Variants in CNTNAP2 observed in about 807,000 individuals in gnomAD.
The protein encoded by CNTNAP2 is contactin associated protein 2.
In CNTNAP2, 98 loss-of-function variants were observed where a neutral mutation model predicts 155.2. That is an observed-to-expected ratio of 0.63 (90% CI 0.54 to 0.75). The LOEUF (loss-of-function observed/expected upper bound fraction) is 0.75, where lower values mean the gene tolerates loss of function less well. Ranked by LOEUF, CNTNAP2 falls within the 30% of genes least tolerant of loss-of-function variation. CNTNAP2 has a pLI of 0.00. For missense variants in CNTNAP2, 1,727 were observed against 1,688.1 expected (o/e 1.02, Z -0.40); for synonymous variants, 651 against 631.2 (o/e 1.03, Z -0.47).
intron 3 of CNTNAP2, among the ~76,000 whole-genome samples, chr7:146,983,271 A>G (rs1798053010): frequency 1.3e-5 from 2 of 152,140 alleles, no homozygotes; most frequent in Admixed American, 1.3e-4. Flanking sequence ...GAATATATTC[A>G]TTTCATGTTT....
Position 147,956,437 on chromosome 7 carries a change from C to A in CNTNAP2, c.2256-21425C>A, listed in dbSNP as rs536682136. ...GAAAGATGTACATGTCCTCTGATTT[C>A]TCCTAAGTCTGGACAGAATTGGCAG... is the stretch of plus-strand genomic sequence containing the variant. On this transcript the variant is annotated intron_variant, in intron 14 of 23. Transcript: ENST00000361727. 3.9e-5 allele frequency among the ~76,000 whole-genome samples: 6 copies of A among 152,262 alleles called. No individual in the cohort carries two copies. In the East Asian group the frequency reaches 1.2e-3, roughly 29 times the overall value.
chr7:147,194,702 T>A (rs996054370), intron 8 of CNTNAP2, among the ~76,000 whole-genome samples: 2 of 152,232 alleles, frequency 1.3e-5, no homozygotes, highest in African/African-American at 4.8e-5. Flanking sequence ...TTCATATGTT[T>A]GTTGGCTGCA....
At chr7:147,337,273 T>A (rs1795680609) in intron 9 of CNTNAP2, among the ~76,000 whole-genome samples, 1 of 152,118 alleles carries the variant, frequency 6.6e-6, no homozygotes, top group Non-Finnish European at 1.5e-5. Flanking sequence ...AAGTCTCATC[T>A]GTGCATATTC....
At chr7:148,263,271 T>C (rs1455418409) in intron 20 of CNTNAP2, 1 of 152,080 alleles carries the variant, frequency 6.6e-6, no homozygotes, top group East Asian at 1.9e-4. Flanking sequence ...CATGACCCAT[T>C]TAGGTTCCTG....
intron 13 of CNTNAP2, among the ~76,000 whole-genome samples, chr7:147,818,017 T>C (rs1350968700): frequency 6.6e-6 from 1 of 152,158 alleles, no homozygotes; most frequent in Non-Finnish European, 1.5e-5. Flanking sequence ...ATATCATCTT[T>C]TCTGTATACA....
intron 1 of CNTNAP2, among the ~76,000 whole-genome samples, chr7:146,759,007 G>C (rs1463767122): frequency 6.6e-6 from 1 of 152,102 alleles, no homozygotes; most frequent in Non-Finnish European, 1.5e-5. Flanking sequence ...TCTTCCTTCA[G>C]TTCCATCTAA....
chr7:147,356,797 T>C (rs1190150401), intron 9 of CNTNAP2, among the ~76,000 whole-genome samples: 1 of 152,134 alleles, frequency 6.6e-6, no homozygotes, highest in Non-Finnish European at 1.5e-5. Context: ...ATTGGTATTT[T>C]AGTGAAATGG....
intron 9 of CNTNAP2, among the ~76,000 whole-genome samples, chr7:147,325,986 A>C (rs1443305521): frequency 6.6e-6 from 1 of 152,008 alleles, no homozygotes; most frequent in Non-Finnish European, 1.5e-5. Flanking sequence ...GCAGTGGCAC[A>C]ATCTCGGCTC....
At chr7:146,810,280 G>A (rs1803040257) in intron 2 of CNTNAP2, among the ~76,000 whole-genome samples, 3 of 146,868 alleles carry the variant, frequency 2.0e-5, no homozygotes, top group African/African-American at 7.6e-5. Context: ...AAATTCGGAA[G>A]TGTGGTTCCT....
At chr7:147,380,659 C>T (rs1165031941) in intron 9 of CNTNAP2, among the ~76,000 whole-genome samples, 2 of 152,104 alleles carry the variant, frequency 1.3e-5, no homozygotes, top group African/African-American at 4.8e-5. Flanking sequence ...TTCAAAGCAA[C>T]TCCTGAGATA....
intron 1 of CNTNAP2, among the ~76,000 whole-genome samples, chr7:146,438,563 T>C (rs929194889): frequency 1.3e-5 from 2 of 151,584 alleles, no homozygotes; most frequent in Middle Eastern, 6.8e-3. Context: ...TGCATTTTAA[T>C]TATATCTAAT....
Position 147,981,067 on chromosome 7 carries a change from G to T in CNTNAP2, c.2383+3078G>T, listed in dbSNP as rs1801520229. ...TTACACACAGCCTCCTGTGAATTGG[G>T]CAGGGCAAATATTAGTCTTTCTGCC... On this transcript the variant is annotated intron_variant, in intron 15 of 23. Transcript: ENST00000361727. Among the ~76,000 whole-genome samples the T allele has an allele frequency of 2.6e-5, 4 of 152,230 alleles. No individual in the cohort carries two copies. In the South Asian group the frequency reaches 8.3e-4, roughly 32 times the overall value.
chr7:146,600,953 T>C (rs1162138078), intron 1 of CNTNAP2, among the ~76,000 whole-genome samples: 1 of 152,184 alleles, frequency 6.6e-6, no homozygotes, highest in South Asian at 2.1e-4. Flanking sequence ...ATCTGAATAA[T>C]GAACTCCCTC....
chr7:148,010,753 C>T lies in CNTNAP2; in HGVS notation c.2383+32764C>T, dbSNP rs185564145. Among the ~76,000 whole-genome samples the T allele has an allele frequency of 6.9e-3, 1,046 of 152,046 alleles. 21 individuals are homozygous for T. Among genetic ancestry groups the T allele is most frequent in the African/African-American group, 0.024 (984 of 41,502 alleles). ...AGTACAGAGATTTCACATTCACCCTCTGCCCCCACATATGCACAGTCTCCC... is the reference window on the plus strand; with the variant it reads ...AGTACAGAGATTTCACATTCACCCTTTGCCCCCACATATGCACAGTCTCCC... On this transcript the variant is annotated intron_variant, in intron 15 of 23. Transcript: ENST00000361727.
At position 148,419,032 on chromosome 7, in the gene CNTNAP2, G is replaced by C. The variant is rs1173694820; in HGVS notation, c.*3416G>C. ...GCACACAGCTGTGGGACTTGAACAT[G>C]CAAGTGTTCAGGTTGTGTCAAGAAG... On this transcript the variant is annotated 3_prime_UTR_variant, in exon 24 of 24. Transcript: ENST00000361727. 6.6e-6 allele frequency: 1 copy of C among 152,222 alleles called. No individual in the cohort carries two copies. The highest frequency in any genetic ancestry group is 2.4e-5 in the African/African-American group (1 of 41,424). 9.4% of individuals were successfully genotyped at this position (152,222 alleles called of 1,614,324 possible). A position where few individuals can be genotyped will look rare whatever the true frequency, so the allele number is the denominator to read the frequency against.
At chr7:147,127,701 TTTATAG>T (rs947404150) in intron 6 of CNTNAP2, among the ~76,000 whole-genome samples, 1 of 152,190 alleles carries the variant, frequency 6.6e-6, no homozygotes. Flanking sequence ...TCATTGATTC[TTTATAG>T]TTATATATTC....
chr7:146,241,464 T>C (rs1358280587), intron 1 of CNTNAP2, among the ~76,000 whole-genome samples: 2 of 152,214 alleles, frequency 1.3e-5, no homozygotes, highest in Non-Finnish European at 2.9e-5. Flanking sequence ...CAAGCATGGC[T>C]GTTTGCTCAT....
At chr7:147,182,951 T>C (rs1277942854) in intron 8 of CNTNAP2, among the ~76,000 whole-genome samples, 1 of 152,188 alleles carries the variant, frequency 6.6e-6, no homozygotes, top group African/African-American at 2.4e-5. Flanking sequence ...AAGGATATTA[T>C]AAAAATAAAT....
intron 9 of CNTNAP2, among the ~76,000 whole-genome samples, chr7:147,361,968 T>C (rs925667352): frequency 6.6e-6 from 1 of 152,192 alleles, no homozygotes; most frequent in Non-Finnish European, 1.5e-5. Context: ...TCTTCACTTC[T>C]GTGTTTGACA....
Sources: gnomAD v4.1 joint callset for allele counts (sites outside exome capture counted in the v4.1 genomes callset) on GRCh38, gnomAD v4.1.1 for gene constraint, MANE v1.5 for transcripts, NCBI Gene and HGNC (gene_info 2026-07-23, HGNC 2026-07-21) for gene names.